PDE1C: variants seen among roughly 807,000 people sequenced by gnomAD.
PDE1C encodes the protein phosphodiesterase 1C.
In PDE1C, 62 loss-of-function variants were observed where a neutral mutation model predicts 93.1. The ratio of observed to expected loss-of-function variants is 0.67; its 90% CI spans 0.54 to 0.82. PDE1C has a LOEUF of 0.82. PDE1C is among the 40% of genes least tolerant of loss of function. The pLI, the probability that PDE1C is intolerant of heterozygous loss-of-function variation, is 0.00. For synonymous variants in PDE1C, 325 were observed against 310.1 expected (o/e 1.05, Z -0.50); for missense variants, 742 against 884.6 (o/e 0.84, Z 2.04).
chr7:32,349,788 C>A (rs1783923897), intron 1 of PDE1C, among the ~76,000 whole-genome samples: 1 of 152,072 alleles, frequency 6.6e-6, no homozygotes, highest in African/African-American at 2.4e-5. Context: ...TGCCACCACA[C>A]CCAGCTAATT....
chr7:31,686,987 A>T, the PDE1C span: 2 of 152,206 alleles, frequency 1.3e-5, no homozygotes, highest in African/African-American at 2.4e-5. Flanking sequence ...GAATTCAATG[A>T]TGTAGCTGGT....
intron 3 of PDE1C, among the ~76,000 whole-genome samples, chr7:32,145,102 A>G (rs59075053): frequency 0.014 from 2,197 of 152,324 alleles, 57 homozygotes; most frequent in African/African-American, 0.049. Flanking sequence ...GGAAGCCACT[A>G]AAGGTTTTTA....
In PDE1C at chr7:32,328,397, G is replaced by T. The variant is rs574865140; in HGVS notation, c.310+99425C>A. On this transcript the variant is annotated intron_variant, in intron 1 of 1. Coordinates refer to the PDE1C transcript ENST00000672256. ...ACACTATTTCCCTTCTTAAAACATTGTGATGGCTCCCAGCTACAGTCAGAA... is the reference window on the plus strand; with the variant it reads ...ACACTATTTCCCTTCTTAAAACATTTTGATGGCTCCCAGCTACAGTCAGAA... Among the ~76,000 whole-genome samples the T allele has an allele frequency of 1.3e-4, 20 of 152,234 alleles. No individual in the cohort carries two copies. In the South Asian group the frequency reaches 2.3e-3, roughly 17 times the overall value.
chr7:31,845,713 A>G (rs553219715), intron 9 of PDE1C, among the ~76,000 whole-genome samples: 1 of 152,280 alleles, frequency 6.6e-6, no homozygotes, highest in South Asian at 2.1e-4. Flanking sequence ...AAAGGTGGCC[A>G]GGCACAGTGG....
At chr7:31,870,813 A>T (rs1169954091) in intron 6 of PDE1C, among the ~76,000 whole-genome samples, 4 of 152,016 alleles carry the variant, frequency 2.6e-5, no homozygotes, top group African/African-American at 9.7e-5. Context: ...CAATAAATCA[A>T]AATTACAGGC....
intron 2 of PDE1C, among the ~76,000 whole-genome samples, chr7:32,184,014 A>G (rs113851088): frequency 0.12 from 17,864 of 152,290 alleles, 1,210 homozygotes; most frequent in Middle Eastern, 0.18. Flanking sequence ...TCTCAATAGA[A>G]GACATTTATG....
chr7:31,782,292 G>A (rs190838356), intron 16 of PDE1C, among the ~76,000 whole-genome samples: 1 of 152,108 alleles, frequency 6.6e-6, no homozygotes, highest in East Asian at 1.9e-4. Flanking sequence ...ATACTATATG[G>A]CCTTAACTGT....
the PDE1C span, among the ~76,000 whole-genome samples, chr7:31,685,134 A>G: frequency 1.3e-5 from 2 of 152,060 alleles, no homozygotes; most frequent in African/African-American, 4.8e-5. Flanking sequence ...AAAAAAAAAA[A>G]GCCAAACCCA....
intron 2 of PDE1C, among the ~76,000 whole-genome samples, chr7:31,921,380 G>A (rs1242236760): frequency 6.6e-6 from 1 of 152,204 alleles, no homozygotes; most frequent in Non-Finnish European, 1.5e-5. Context: ...AGTCTGTAGA[G>A]AGTAAGTAAA....
At chr7:31,697,264 G>A in the PDE1C span, 31 of 1,003,128 alleles carry the variant, frequency 3.1e-5, no homozygotes, top group Non-Finnish European at 4.0e-5. Context: ...CACACTCAGT[G>A]CTACCTTTTA....
At chr7:31,911,182 T>G (rs1435522577) in intron 2 of PDE1C, among the ~76,000 whole-genome samples, 1 of 152,212 alleles carries the variant, frequency 6.6e-6, no homozygotes, top group Non-Finnish European at 1.5e-5. Context: ...ACATATTGGT[T>G]ATTATAACAT....
At chr7:31,786,939 AT>A (rs1214620569) in intron 16 of PDE1C, 4 of 61,110 alleles carry the variant, frequency 6.5e-5, no homozygotes, top group East Asian at 9.4e-4. Flanking sequence ...CTATCTATCT[AT>A]CTATCTATCT....
chr7:32,258,877 C>G (rs1204557843), intron 1 of PDE1C, among the ~76,000 whole-genome samples: 1 of 152,186 alleles, frequency 6.6e-6, no homozygotes, highest in African/African-American at 2.4e-5. Context: ...AGTCACTCAC[C>G]CTCCTGGAGC....
intron 6 of PDE1C, among the ~76,000 whole-genome samples, chr7:31,865,921 C>G (rs1176917258): frequency 6.6e-6 from 1 of 152,100 alleles, no homozygotes; most frequent in Non-Finnish European, 1.5e-5. Context: ...TCATTTATTT[C>G]TCAACGAATA....
intron 2 of PDE1C, among the ~76,000 whole-genome samples, chr7:31,985,409 CG>C (rs1322541374): frequency 1.3e-5 from 2 of 151,934 alleles, no homozygotes; most frequent in Non-Finnish European, 2.9e-5. Context: ...AACTTTAATA[CG>C]TTTTTTATTA....
chr7:32,110,063 C>T (rs1351268929), intron 3 of PDE1C, among the ~76,000 whole-genome samples: 1 of 152,086 alleles, frequency 6.6e-6, no homozygotes, highest in Non-Finnish European at 1.5e-5. Flanking sequence ...TCTAGCATTC[C>T]TCTAGCTCAG....
chr7:32,189,924 T>C (rs1207369292), intron 2 of PDE1C, among the ~76,000 whole-genome samples: 1 of 152,198 alleles, frequency 6.6e-6, no homozygotes, highest in Non-Finnish European at 1.5e-5. Flanking sequence ...AAGGTTAACT[T>C]TTGTATCTAC....
intron 1 of PDE1C, among the ~76,000 whole-genome samples, chr7:32,268,038 G>C (rs1562635426): frequency 6.6e-6 from 1 of 152,206 alleles, no homozygotes; most frequent in Admixed American, 6.5e-5. Flanking sequence ...GCCACTAGGT[G>C]CAGTGGTCAT....
At chr7:31,639,742 T>C in the PDE1C span, among the ~76,000 whole-genome samples, 1 of 152,036 alleles carries the variant, frequency 6.6e-6, no homozygotes, top group Non-Finnish European at 1.5e-5. Context: ...TTCACTGTGT[T>C]AGCCAGGCTC....
Sources: gnomAD v4.1 joint callset for allele counts (sites outside exome capture counted in the v4.1 genomes callset) on GRCh38, gnomAD v4.1.1 for gene constraint, MANE v1.5 for transcripts, NCBI Gene and HGNC (gene_info 2026-07-23, HGNC 2026-07-21) for gene names.